The following PHLDA1 variants were observed in gnomAD, a reference collection of about 807,000 sequenced individuals.
PHLDA1 encodes pleckstrin homology like domain family A member 1, also known as pleckstrin homology-like domain family A member 1.
A neutral mutation model predicts 33.8 loss-of-function variants in PHLDA1; 28 were observed. That is an observed-to-expected ratio of 0.83 (90% CI 0.61 to 1.14). PHLDA1 has a LOEUF of 1.14. PHLDA1 is among the 50% of genes most tolerant of loss of function. The pLI is 0.00. For missense variants in PHLDA1, 595 were observed against 548.6 expected, an observed-to-expected ratio of 1.08 and a Z score of -0.84; for synonymous variants, 271 against 243.6, an observed-to-expected ratio of 1.11 and a Z score of -1.05.
rs1870891899 is a variant in PHLDA1, at chr12:76,031,055, G to A, written c.687C>T (p.Leu229=). Reference sequence around the variant, plus strand: ...TCATGTTGGAGAAGTGCAGTTCCTTGAGCTTGACCGGCGGCTCGAGGCTGG... The same window carrying A: ...TCATGTTGGAGAAGTGCAGTTCCTTAAGCTTGACCGGCGGCTCGAGGCTGG... Residue 229 remains leucine, a synonymous_variant, in exon 1 of 2, where the codon CTC becomes CTT. Coordinates refer to ENST00000266671, the Ensembl canonical transcript of PHLDA1. The surrounding 1 kb of genome is among the most constrained non-coding windows in gnomAD (Gnocchi z 5.4). 15 of 1,610,966 alleles carry A rather than the reference G, an allele frequency of 9.3e-6. No homozygotes were observed. Among genetic ancestry groups the A allele is most frequent in the Non-Finnish European group, 1.3e-5 (15 of 1,179,940 alleles).
exon 1 of PHLDA1, chr12:76,030,840 T>G (rs1870885585): frequency 6.3e-7 from 1 of 1,590,482 alleles, no homozygotes; most frequent in Non-Finnish European, 8.6e-7. Context: ...CTGGACCAGG[T>G]GCTGCTGCTT....
In PHLDA1 at chr12:76,031,727, C is replaced by T. The variant is rs1316813590; in HGVS notation, c.15G>A (p.Pro5=). 7.2e-7 allele frequency: 1 copy of T among 1,384,222 alleles called. No homozygotes were observed. The highest frequency in any genetic ancestry group is 1.7e-5 in the South Asian group (1 of 58,138). 85.7% of individuals were successfully genotyped at this position (1,384,222 alleles called of 1,614,324 possible). The change falls in exon 1 of 2, where the codon CCG becomes CCA. Residue 5 remains proline (P), a synonymous_variant. Transcript: ENST00000266671. This position sits in a 1 kb window ranked among gnomAD's most constrained non-coding sequence, Gnocchi z 5.4. ...CCAGCTCCAAGAGGCGCTCGGCAGC[C>T]GGCGCACGCCTCATTAACTTGGGGC...
exon 2 of PHLDA1, chr12:76,025,884 A>G (rs1186458748): frequency 6.6e-6 from 1 of 152,170 alleles, no homozygotes; most frequent in Non-Finnish European, 1.5e-5. Flanking sequence ...GCCCTTTCTA[A>G]GAAAACCCTT....
chr12:76,029,034 T>C (rs1212967188), exon 2 of PHLDA1: 1 of 152,220 alleles, frequency 6.6e-6, no homozygotes, highest in Non-Finnish European at 1.5e-5. Flanking sequence ...AAACAAAAGT[T>C]ATGACTCCTA....
exon 2 of PHLDA1, chr12:76,027,050 T>C (rs1209266225): frequency 6.6e-6 from 1 of 152,238 alleles, no homozygotes; most frequent in Non-Finnish European, 1.5e-5. Flanking sequence ...GGAACATTAC[T>C]CTTAATTTTC....
chr12:76,030,623 ATGCGGG>A lies in PHLDA1; in HGVS notation c.1113_1118del (p.Pro374_His375del), dbSNP rs771851858. 11 of 1,555,384 alleles carry A rather than the reference ATGCGGG, an allele frequency of 7.1e-6. No individual in the cohort carries two copies. In the African/African-American group the frequency reaches 1.1e-4, roughly 15 times the overall value. On this transcript the variant is annotated inframe_deletion, in exon 1 of 2. Coordinates refer to ENST00000266671, the Ensembl canonical transcript of PHLDA1. ...GGTGTGGGTGCGGTATTTGGTGCGGATGCGGGTGCGGGTGAGGGTGTGGGTGCGAGT... is the reference window on the plus strand; with the variant it reads ...GGTGTGGGTGCGGTATTTGGTGCGGATGCGGGTGAGGGTGTGGGTGCGAGT...
intron 1 of PHLDA1, 165 bp downstream of exon 1, chr12:76,030,345 G>T: frequency 1.6e-6 from 1 of 633,538 alleles, no homozygotes; most frequent in Non-Finnish European, 2.7e-6. Flanking sequence ...TCTCTGCCCA[G>T]CTCTCCTGGC....
At position 76,031,073 on chromosome 12, in the gene PHLDA1, G is replaced by A; in HGVS notation, c.669C>T (p.Leu223=). 6.2e-7 allele frequency: 1 copy of A among 1,610,000 alleles called. No individual in the cohort carries two copies. Among genetic ancestry groups the A allele is most frequent in the Non-Finnish European group, 8.5e-7 (1 of 1,179,898 alleles). Residue 223 remains leucine (L), a synonymous_variant, in exon 1 of 2, where the codon CTC becomes CTT. Coordinates refer to ENST00000266671, the Ensembl canonical transcript of PHLDA1. The surrounding 1 kb of genome is among the most constrained non-coding windows in gnomAD (Gnocchi z 5.4). The stretch of plus-strand genomic sequence containing the variant: ...GTTCCTTGAGCTTGACCGGCGGCTC[G>A]AGGCTGGCGACAGCGGGGCCACTGG...
chr12:76,029,790 A>G (rs1019531086), exon 2 of PHLDA1: 23 of 152,794 alleles, frequency 1.5e-4, no homozygotes, highest in Admixed American at 9.8e-4. Context: ...GCATTTAAAA[A>G]AAAACTAATA....
chr12:76,030,464 T>C (rs1026158511), intron 1 of PHLDA1, 46 bp downstream of exon 1: 2 of 1,484,744 alleles, frequency 1.3e-6, no homozygotes, highest in Non-Finnish European at 1.9e-6. Flanking sequence ...CCCAACTCAC[T>C]ACCCCCGAGA....
At chr12:76,026,694 T>C in exon 2 of PHLDA1, 1 of 152,232 alleles carries the variant, frequency 6.6e-6, no homozygotes, top group East Asian at 1.9e-4. Flanking sequence ...AATCCCAGCT[T>C]GCTCAATGAG....
At chr12:76,030,532 C>A in exon 1 of PHLDA1, 2 of 1,612,754 alleles carry the variant, frequency 1.2e-6, no homozygotes, top group Non-Finnish European at 1.7e-6. Context: ...GGGAGCTGCC[C>A]CTTTCAGGCA....
At position 76,031,646 on chromosome 12, in the gene PHLDA1, C is replaced by G. The variant is rs767786111; in HGVS notation, c.96G>C (p.Arg32=). 8 of 1,540,042 alleles carry G rather than the reference C, an allele frequency of 5.2e-6. No individual in the cohort carries two copies. The South Asian group carries it at 6.1e-5, about 12-fold the overall frequency. Residue 32 remains arginine (R), a synonymous_variant, in exon 1 of 2, where the codon CGG becomes CGC. Transcript: ENST00000266671. This position sits in a 1 kb window ranked among gnomAD's most constrained non-coding sequence, Gnocchi z 5.4. ...TTTGAATGGGCCATCTTCCCCACCCCCGAGTGACACCCAGCGGAAAAGGCG... is the reference window on the plus strand; with the variant it reads ...TTTGAATGGGCCATCTTCCCCACCCGCGAGTGACACCCAGCGGAAAAGGCG...
rs992052788 is a variant in PHLDA1, at chr12:76,031,475, G to GAGCGGC, written c.261_266dup (p.Pro88_Leu89dup). ...AGAGGAGGCTAACACGCAGGAGGCA[G>GAGCGGC]AGCGGCGGCGGCGGCTCTGGGTCCC... On this transcript the variant is annotated inframe_insertion, in exon 1 of 2. Coordinates refer to ENST00000266671, the Ensembl canonical transcript of PHLDA1. The surrounding 1 kb of genome is among the most constrained non-coding windows in gnomAD (Gnocchi z 5.4). 6.5e-6 allele frequency: 10 copies of GAGCGGC among 1,527,200 alleles called. No individual in the cohort carries two copies. The highest frequency in any genetic ancestry group is 2.5e-5 in the South Asian group (2 of 80,994). 94.6% of individuals were successfully genotyped at this position (1,527,200 alleles called of 1,614,324 possible). A position where few individuals can be genotyped will look rare whatever the true frequency, so the allele number is the denominator to read the frequency against.
rs1168158439 is a variant in PHLDA1, at chr12:76,031,043, G to A, written c.699C>T (p.His233=). ...AGTCCACGGTCTTCATGTTGGAGAA[G>A]TGCAGTTCCTTGAGCTTGACCGGCG... The change falls in exon 1 of 2, where the codon CAC becomes CAT. Residue 233 remains histidine (H), a synonymous_variant. Coordinates refer to ENST00000266671, the Ensembl canonical transcript of PHLDA1. The surrounding 1 kb of genome is among the most constrained non-coding windows in gnomAD (Gnocchi z 5.4). 1 of 1,611,890 alleles carries A rather than the reference G, an allele frequency of 6.2e-7. No homozygotes were observed. The highest frequency in any genetic ancestry group is 8.5e-7 in the Non-Finnish European group (1 of 1,179,954).
At position 76,030,502 on chromosome 12, in the gene PHLDA1, G is replaced by A. The variant is rs770977261; in HGVS notation, c.*26+8C>T. 22 of 1,605,030 alleles carry A rather than the reference G, an allele frequency of 1.4e-5. No homozygotes were observed. The highest frequency in any genetic ancestry group is 1.3e-5 in the African/African-American group (1 of 74,756). On this transcript the variant is annotated splice_region_variant and intron_variant, in intron 1 of 1. Coordinates refer to ENST00000266671, the Ensembl canonical transcript of PHLDA1. ...CACTCCTCGGGAGCGCGAGTGCCGG[G>A]ACCTTACCTTGTCTTGCCCGGGAGC...
At chr12:76,026,738 C>CA (rs1452903062) in exon 2 of PHLDA1, 1 of 152,198 alleles carries the variant, frequency 6.6e-6, no homozygotes, top group Non-Finnish European at 1.5e-5. Context: ...CCCTTATAGA[C>CA]ATTTGCTCTT....
rs1407988568 is a variant in PHLDA1 at position 76,031,522 on chromosome 12, T to C, written c.220A>G (p.Arg74Gly). The change falls in exon 1 of 2, where the codon AGG (arginine) becomes GGG (glycine). Residue 74 changes from arginine (R) to glycine (G), a missense_variant. Coordinates refer to ENST00000266671, the Ensembl canonical transcript of PHLDA1. The surrounding 1 kb of genome is among the most constrained non-coding windows in gnomAD (Gnocchi z 5.4). ...TCCCGGCAGAGGGACAGCCGCGTCC[T>C]GATGCGCCACAAGGTCCCGGAGCTC... 3.3e-6 allele frequency: 5 copies of C among 1,525,816 alleles called. No homozygotes were observed. The highest frequency in any genetic ancestry group is 2.1e-5 in the Admixed American group (1 of 47,432). 94.5% of individuals were successfully genotyped at this position (1,525,816 alleles called of 1,614,324 possible). A position where few individuals can be genotyped will look rare whatever the true frequency, so the allele number is the denominator to read the frequency against.
exon 2 of PHLDA1, chr12:76,029,438 T>C (rs1870844688): frequency 6.6e-6 from 1 of 152,268 alleles, no homozygotes; most frequent in African/African-American, 2.4e-5. Context: ...CCTTAACTAC[T>C]GATTTCCTTT....
Sources: gnomAD v4.1 joint callset for allele counts on GRCh38, gnomAD v4.1.1 for gene constraint, Gnocchi (gnomAD v3.1) non-coding constraint, MANE v1.5 for transcripts, NCBI Gene and HGNC (gene_info 2026-07-23, HGNC 2026-07-21) for gene names.